The following SPAG16 variants were observed in gnomAD, a reference collection of about 807,000 sequenced individuals.
The protein encoded by SPAG16 is sperm associated antigen 16, also known as sperm-associated antigen 16 protein.
A neutral mutation model predicts 80.4 loss-of-function variants in SPAG16; 86 were observed. The ratio of observed to expected loss-of-function variants is 1.07; its 90% CI spans 0.90 to 1.28. The LOEUF is 1.28. SPAG16 is among the 50% of genes most tolerant of loss of function. The pLI is 0.00. For missense variants in SPAG16, 870 were observed against 765.3 expected, an observed-to-expected ratio of 1.14 and a Z score of -1.61; for synonymous variants, 294 against 265.9, an observed-to-expected ratio of 1.11 and a Z score of -1.03.
At chr2:214,235,805 A>C (rs1689034722) in intron 15 of SPAG16, among the ~76,000 whole-genome samples, 1 of 152,216 alleles carries the variant, frequency 6.6e-6, no homozygotes, top group Non-Finnish European at 1.5e-5. Context: ...CCAATAATGC[A>C]ATTAAATTAT....
At chr2:214,063,171 T>C (rs530289328) in intron 13 of SPAG16, among the ~76,000 whole-genome samples, 1 of 152,280 alleles carries the variant, frequency 6.6e-6, no homozygotes, top group African/African-American at 2.4e-5. Context: ...TCAATAGCCA[T>C]GTGTGATAAA....
At chr2:213,537,818 C>T (rs912370991) in intron 10 of SPAG16, among the ~76,000 whole-genome samples, 6 of 152,130 alleles carry the variant, frequency 3.9e-5, no homozygotes, top group African/African-American at 1.2e-4. Context: ...TCTGATGTTT[C>T]GGTCAGTTAT....
chr2:213,380,641 C>T (rs1156397864), intron 9 of SPAG16, among the ~76,000 whole-genome samples: 1 of 152,198 alleles, frequency 6.6e-6, no homozygotes. Context: ...CATAGTCAAA[C>T]ATTCAGTTTC....
At chr2:213,809,042 A>T (rs1042287715) in intron 10 of SPAG16, among the ~76,000 whole-genome samples, 8 of 152,212 alleles carry the variant, frequency 5.3e-5, no homozygotes, top group African/African-American at 1.9e-4. Flanking sequence ...ATCATTCTAC[A>T]GTGCAGCATG....
At chr2:213,589,070 A>G (rs73988558) in intron 10 of SPAG16, among the ~76,000 whole-genome samples, 1,782 of 152,260 alleles carry the variant, frequency 0.012, 36 homozygotes, top group African/African-American at 0.039. Flanking sequence ...TACAAAAAAC[A>G]TAAGCAAAAA....
At chr2:214,282,082 T>C (rs1275707139) in intron 15 of SPAG16, among the ~76,000 whole-genome samples, 1 of 152,172 alleles carries the variant, frequency 6.6e-6, no homozygotes, top group Non-Finnish European at 1.5e-5. Flanking sequence ...ACTATCTTGA[T>C]TGTGATAAAG....
intron 15 of SPAG16, among the ~76,000 whole-genome samples, chr2:214,354,933 T>C (rs1226411851): frequency 6.6e-6 from 1 of 152,140 alleles, no homozygotes; most frequent in East Asian, 1.9e-4. Flanking sequence ...TATACAATCA[T>C]GTCATCTGCA....
At chr2:213,810,640 G>A (rs2072074420) in intron 10 of SPAG16, among the ~76,000 whole-genome samples, 1 of 152,228 alleles carries the variant, frequency 6.6e-6, no homozygotes, top group East Asian at 1.9e-4. Flanking sequence ...TTGAGGGAAG[G>A]AAGTCAATAC....
At chr2:213,317,140 A>T in intron 4 of SPAG16, 79 bp from the exon 5 acceptor site, 1 of 851,670 alleles carries the variant, frequency 1.2e-6, no homozygotes, top group Non-Finnish European at 1.8e-6. Context: ...CCTGAGACTT[A>T]ACTTTTTGAA....
chr2:214,315,275 G>C (rs2125984824), intron 15 of SPAG16, among the ~76,000 whole-genome samples: 1 of 152,170 alleles, frequency 6.6e-6, no homozygotes, highest in Admixed American at 6.5e-5. Context: ...CAGGGCTACT[G>C]TCAAATTTAT....
At chr2:214,122,216 A>C (rs1368896225) in intron 14 of SPAG16, among the ~76,000 whole-genome samples, 1 of 151,860 alleles carries the variant, frequency 6.6e-6, no homozygotes, top group Non-Finnish European at 1.5e-5. Flanking sequence ...CTAAAAAAGA[A>C]TGTGTAACTG....
At chr2:213,704,881 T>C (rs1177055790) in intron 10 of SPAG16, among the ~76,000 whole-genome samples, 1 of 151,766 alleles carries the variant, frequency 6.6e-6, no homozygotes, top group African/African-American at 2.4e-5. Context: ...TAAAGTGGGG[T>C]AAGGGAATGG....
intron 10 of SPAG16, among the ~76,000 whole-genome samples, chr2:213,610,710 A>G (rs983437082): frequency 6.6e-6 from 1 of 152,216 alleles, no homozygotes; most frequent in Non-Finnish European, 1.5e-5. Context: ...AAAGTAGGAC[A>G]TTCCTGAAAG....
At chr2:213,944,073 A>T (rs1029700864) in intron 12 of SPAG16, among the ~76,000 whole-genome samples, 1 of 152,246 alleles carries the variant, frequency 6.6e-6, no homozygotes, top group East Asian at 1.9e-4. Flanking sequence ...CCAAAGGTCC[A>T]GAGTGTATGG....
At chr2:213,656,581 A>G (rs2063232562) in intron 10 of SPAG16, among the ~76,000 whole-genome samples, 1 of 152,082 alleles carries the variant, frequency 6.6e-6, no homozygotes, top group African/African-American at 2.4e-5. Flanking sequence ...TACTCATGTT[A>G]ATTTATGTCA....
intron 15 of SPAG16, among the ~76,000 whole-genome samples, chr2:214,284,147 A>C (rs557304241): frequency 2.0e-5 from 3 of 152,210 alleles, no homozygotes; most frequent in Non-Finnish European, 4.4e-5. Flanking sequence ...GTGTAAGGAA[A>C]TACCCTGCAG....
chr2:213,626,641 A>ATTTTTT (rs10582370), intron 10 of SPAG16, among the ~76,000 whole-genome samples: 14 of 98,978 alleles, frequency 1.4e-4, no homozygotes, highest in Non-Finnish European at 1.6e-4. Context: ...ATCGGGCTCA[A>ATTTTTT]TTTTTTTTTT....
At chr2:214,232,986 A>C (rs1020330363) in intron 15 of SPAG16, among the ~76,000 whole-genome samples, 1 of 152,120 alleles carries the variant, frequency 6.6e-6, no homozygotes, top group Non-Finnish European at 1.5e-5. Flanking sequence ...AGCACAGAGC[A>C]AAATAAAATG....
intron 10 of SPAG16, among the ~76,000 whole-genome samples, chr2:213,658,457 T>C (rs548632276): frequency 3.9e-5 from 6 of 152,204 alleles, no homozygotes; most frequent in Non-Finnish European, 8.8e-5. Context: ...CAGGGACATC[T>C]ATCTTCTTTA....
Sources: allele counts gnomAD v4.1 joint callset (sites outside exome capture counted in the v4.1 genomes callset), GRCh38; gene constraint gnomAD v4.1.1; transcripts MANE v1.5; gene names NCBI Gene and HGNC (gene_info 2026-07-23, HGNC 2026-07-21).